Variants in DPYD observed in about 807,000 individuals in gnomAD.
The protein encoded by DPYD is dihydropyrimidine dehydrogenase, also known as dihydropyrimidine dehydrogenase [NADP(+)].
DPYD carries 109 observed loss-of-function variants against 116.2 expected under a neutral mutation model. The ratio of observed to expected loss-of-function variants is 0.94; its 90% confidence interval spans 0.80 to 1.10. DPYD has a LOEUF of 1.10. Among genes scored for constraint, DPYD ranks in the 50% least tolerant of loss-of-function variants. The pLI, the probability that DPYD is intolerant of heterozygous loss-of-function variation, is 0.00. For synonymous variants in DPYD, 440 were observed against 432.0 expected (o/e 1.02, Z -0.23); for missense variants, 1,302 against 1,254.5 (o/e 1.04, Z -0.57).
intron 3 of DPYD, chr1:97,774,827 A>T (rs1666313886): frequency 5.3e-6 from 1 of 189,248 alleles, no homozygotes; most frequent in Non-Finnish European, 1.2e-5. Flanking sequence ...GTATATCAGT[A>T]CTGTGGGAAA....
chr1:97,118,275 C>A (rs575165750), intron 20 of DPYD, among the ~76,000 whole-genome samples: 98 of 152,248 alleles, frequency 6.4e-4, no homozygotes, highest in Admixed American at 1.0e-3. Flanking sequence ...TCTGGGCACC[C>A]TGAGCTCTCT....
chr1:97,237,241 CAAAAAAAAAAAAAA>C lies in DPYD; in HGVS notation c.2300-2261_2300-2248del, dbSNP rs58926889. On this transcript the variant is annotated intron_variant, in intron 18 of 22. Coordinates refer to ENST00000370192, the MANE Select transcript of DPYD (RefSeq NM_000110.4). ...GGGCAACAAGAGCAAGATTCTGTCT[CAAAAAAAAAAAAAA>C]AAAAAAAAAAAAAAAAATCGGTGGC... Among the ~76,000 whole-genome samples the C allele has an allele frequency of 9.5e-3, 550 of 57,714 alleles. 3 individuals carry two copies. The highest frequency in any genetic ancestry group is 0.014 in the Non-Finnish European group (413 of 29,082). The allele number at this position is 57,714 out of a possible 152,430, so 37.9% of individuals were successfully genotyped here.
intron 20 of DPYD, among the ~76,000 whole-genome samples, chr1:97,157,117 T>C (rs1296911318): frequency 1.8e-4 from 12 of 64,938 alleles, no homozygotes; most frequent in Non-Finnish European, 2.8e-5. Context: ...GGGACTGTTG[T>C]GGGGTGGGGG....
chr1:97,623,335 C>T (rs1048318707), intron 8 of DPYD, among the ~76,000 whole-genome samples: 1 of 152,050 alleles, frequency 6.6e-6, no homozygotes, highest in Non-Finnish European at 1.5e-5. Flanking sequence ...CATAATCTTA[C>T]TCATAAAGCT....
Position 97,505,966 on chromosome 1 carries a change from T to C in DPYD, c.1740+9760A>G, listed in dbSNP as rs568457319. 3.3e-5 allele frequency among the ~76,000 whole-genome samples: 5 copies of C among 152,036 alleles called. No individual in the cohort carries two copies. In the East Asian group the frequency reaches 9.7e-4, roughly 30 times the overall value. ...GAGGCAGTGGGGTAAGAAAAGGTAA[T>C]TGGTGTGTGATAGGGCAGTTTGAGT... On this transcript the variant is annotated intron_variant, in intron 13 of 22. Coordinates refer to ENST00000370192, the MANE Select transcript of DPYD (RefSeq NM_000110.4).
At chr1:97,166,262 G>C (rs1033515965) in intron 20 of DPYD, among the ~76,000 whole-genome samples, 1 of 152,142 alleles carries the variant, frequency 6.6e-6, no homozygotes, top group African/African-American at 2.4e-5. Flanking sequence ...CCATAACAAA[G>C]AATGAGATCA....
intron 18 of DPYD, among the ~76,000 whole-genome samples, chr1:97,277,352 A>C (rs1665003223): frequency 6.6e-6 from 1 of 151,830 alleles, no homozygotes; most frequent in Non-Finnish European, 1.5e-5. Context: ...GTACCCTTGA[A>C]TCTAAAATGA....
intron 10 of DPYD, among the ~76,000 whole-genome samples, chr1:97,575,700 G>A (rs1570987354): frequency 6.6e-6 from 1 of 152,112 alleles, no homozygotes; most frequent in East Asian, 1.9e-4. Flanking sequence ...TCCTCAGACA[G>A]GAAGATTAGA....
At chr1:97,463,545 G>C (rs900451117) in intron 13 of DPYD, among the ~76,000 whole-genome samples, 1 of 152,202 alleles carries the variant, frequency 6.6e-6, no homozygotes, top group South Asian at 2.1e-4. Flanking sequence ...TAAAAATGTG[G>C]AAGTGACTAT....
intron 3 of DPYD, among the ~76,000 whole-genome samples, chr1:97,816,249 A>C (rs368758911): frequency 6.6e-6 from 1 of 151,642 alleles, no homozygotes; most frequent in African/African-American, 2.4e-5. Context: ...GGAGCTTAGA[A>C]TATCCTATAT....
chr1:97,893,429 C>CATAGATATATAT (rs1672875363), intron 1 of DPYD, among the ~76,000 whole-genome samples: 1 of 71,906 alleles, frequency 1.4e-5, no homozygotes, highest in South Asian at 5.5e-4. Flanking sequence ...ATATCCATCG[C>CATAGATATATAT]ATATATATAT....
At chr1:97,896,812 T>G (rs1421200069) in intron 1 of DPYD, among the ~76,000 whole-genome samples, 1 of 151,928 alleles carries the variant, frequency 6.6e-6, no homozygotes, top group Non-Finnish European at 1.5e-5. Context: ...AATATGTTGT[T>G]TTTTTGTAAA....
At chr1:97,854,643 T>C (rs768130902) in intron 2 of DPYD, among the ~76,000 whole-genome samples, 3 of 152,220 alleles carry the variant, frequency 2.0e-5, no homozygotes, top group Non-Finnish European at 4.4e-5. Flanking sequence ...CGTGAAAAGT[T>C]TGAAAATTCT....
chr1:97,223,447 T>A (rs988453871), intron 19 of DPYD, among the ~76,000 whole-genome samples: 1 of 151,314 alleles, frequency 6.6e-6, no homozygotes, highest in Non-Finnish European at 1.5e-5. Context: ...ACAATCTCAA[T>A]GAAGGCACAG....
intron 19 of DPYD, among the ~76,000 whole-genome samples, chr1:97,202,151 G>C (rs1481657179): frequency 6.6e-6 from 1 of 152,048 alleles, no homozygotes; most frequent in Non-Finnish European, 1.5e-5. Context: ...CGGAGATGTT[G>C]TTTTTCAAAA....
At chr1:97,396,743 CT>C (rs1427955409) in intron 14 of DPYD, among the ~76,000 whole-genome samples, 1 of 151,962 alleles carries the variant, frequency 6.6e-6, no homozygotes, top group Non-Finnish European at 1.5e-5. Context: ...GCCACATGTA[CT>C]TTTAGATGTC....
At chr1:97,347,267 T>C (rs1214959843) in intron 16 of DPYD, among the ~76,000 whole-genome samples, 1 of 151,972 alleles carries the variant, frequency 6.6e-6, no homozygotes, top group African/African-American at 2.4e-5. Context: ...TTTGCAAATA[T>C]CTTTGATCAC....
chr1:97,295,756 G>C (rs369787384), intron 18 of DPYD: 1 of 983,964 alleles, frequency 1.0e-6, no homozygotes, highest in Non-Finnish European at 1.2e-6. Flanking sequence ...AATTGCCAGT[G>C]CTACTGTAAG....
chr1:97,313,561 C>A (rs1667640322), intron 16 of DPYD, among the ~76,000 whole-genome samples: 3 of 151,370 alleles, frequency 2.0e-5, no homozygotes, highest in Non-Finnish European at 4.4e-5. Context: ...ATGACATAGA[C>A]CCACCTGTGT....
Sources: gnomAD v4.1 joint callset for allele counts (sites outside exome capture counted in the v4.1 genomes callset) on GRCh38, gnomAD v4.1.1 for gene constraint, MANE v1.5 for transcripts, NCBI Gene and HGNC (gene_info 2026-07-23, HGNC 2026-07-21) for gene names.